Variants in C1orf21 observed in about 807,000 individuals in gnomAD.
The protein encoded by C1orf21 is uncharacterized protein C1orf21.
A neutral mutation model predicts 18.7 loss-of-function variants in C1orf21; 3 were observed. The ratio of observed to expected loss-of-function variants is 0.16; its 90% CI spans 0.07 to 0.42. The LOEUF (loss-of-function observed/expected upper bound fraction) is 0.42, where lower values mean the gene tolerates loss of function less well. Ranked by LOEUF, C1orf21 falls within the 10% of genes least tolerant of loss-of-function variation. C1orf21 has a pLI of 0.99. For synonymous variants in C1orf21, 41 were observed against 46.4 expected (o/e 0.88, Z 0.47); for missense variants, 104 against 143.6 (o/e 0.72, Z 1.41).
chr1:184,551,247 T>C (rs887677012), intron 3 of C1orf21, among the ~76,000 whole-genome samples: 4 of 152,168 alleles, frequency 2.6e-5, no homozygotes, highest in African/African-American at 4.8e-5. Flanking sequence ...TTTTAAATCA[T>C]GTTTTTAAAA....
At chr1:184,540,636 G>A (rs1310856382) in intron 3 of C1orf21, among the ~76,000 whole-genome samples, 1 of 152,084 alleles carries the variant, frequency 6.6e-6, no homozygotes, top group Non-Finnish European at 1.5e-5. Flanking sequence ...TCGCCATGTT[G>A]GTCAGGCTGG....
At chr1:184,428,389 G>A (rs1349976982) in intron 1 of C1orf21, among the ~76,000 whole-genome samples, 1 of 152,186 alleles carries the variant, frequency 6.6e-6, no homozygotes, top group African/African-American at 2.4e-5. Flanking sequence ...AGGAGGCAGG[G>A]AGGGACCAGA....
At chr1:184,553,855 G>T (rs1658844285) in intron 3 of C1orf21, among the ~76,000 whole-genome samples, 1 of 152,140 alleles carries the variant, frequency 6.6e-6, no homozygotes, top group African/African-American at 2.4e-5. Context: ...CAAGGTCATT[G>T]TTGTTATTTG....
intron 1 of C1orf21, among the ~76,000 whole-genome samples, chr1:184,400,401 T>A (rs1656131549): frequency 6.6e-6 from 1 of 152,114 alleles, no homozygotes; most frequent in African/African-American, 2.4e-5. Flanking sequence ...TATGTGTGTG[T>A]GTTTGTATGT....
At chr1:184,534,502 C>G (rs1658517501) in intron 3 of C1orf21, among the ~76,000 whole-genome samples, 1 of 152,160 alleles carries the variant, frequency 6.6e-6, no homozygotes, top group African/African-American at 2.4e-5. Context: ...TCTATCTCAG[C>G]ATAATAGATT....
chr1:184,487,322 C>CTGGTTA (rs1254530448), intron 2 of C1orf21, among the ~76,000 whole-genome samples: 3 of 152,202 alleles, frequency 2.0e-5, no homozygotes, highest in African/African-American at 4.8e-5. Context: ...GCACTTGGAA[C>CTGGTTA]TTTACATGTG....
chr1:184,444,396 T>C (rs1471573849), intron 1 of C1orf21, among the ~76,000 whole-genome samples: 1 of 152,176 alleles, frequency 6.6e-6, no homozygotes, highest in African/African-American at 2.4e-5. Context: ...TGAATACGTC[T>C]CATGAGGTCT....
chr1:184,481,802 A>G (rs1356464663), intron 2 of C1orf21, among the ~76,000 whole-genome samples: 1 of 152,204 alleles, frequency 6.6e-6, no homozygotes, highest in African/African-American at 2.4e-5. Flanking sequence ...TTCACCAATC[A>G]AGGGAGATAC....
chr1:184,416,131 AC>A (rs1656447550), intron 1 of C1orf21, among the ~76,000 whole-genome samples: 1 of 152,212 alleles, frequency 6.6e-6, no homozygotes, highest in Admixed American at 6.5e-5. Flanking sequence ...CTAGATGGTC[AC>A]CCCTGGCAAA....
chr1:184,537,381 A>G (rs1306520970), intron 3 of C1orf21, among the ~76,000 whole-genome samples: 1 of 152,156 alleles, frequency 6.6e-6, no homozygotes, highest in Non-Finnish European at 1.5e-5. Context: ...AAGTGGAATC[A>G]TATAATGTTT....
intron 2 of C1orf21, among the ~76,000 whole-genome samples, chr1:184,478,165 G>T (rs578221703): frequency 6.6e-6 from 1 of 152,146 alleles, no homozygotes; most frequent in Non-Finnish European, 1.5e-5. Context: ...GAGAACTGTA[G>T]GACTAAAAAC....
intron 2 of C1orf21, among the ~76,000 whole-genome samples, chr1:184,495,435 G>T (rs145202124): frequency 6.6e-6 from 1 of 152,270 alleles, no homozygotes; most frequent in East Asian, 1.9e-4. Context: ...ATGAAGCATA[G>T]ATCTCTGTGG....
At chr1:184,505,384 A>G (rs962262501) in intron 2 of C1orf21, among the ~76,000 whole-genome samples, 1 of 147,210 alleles carries the variant, frequency 6.8e-6, no homozygotes, top group Non-Finnish European at 1.5e-5. Flanking sequence ...ATTCACCTAT[A>G]TATATTTATA....
At chr1:184,446,648 C>T (rs545801528) in intron 1 of C1orf21, among the ~76,000 whole-genome samples, 74 of 151,418 alleles carry the variant, frequency 4.9e-4, no homozygotes, top group Middle Eastern at 6.8e-3. Context: ...ACCTATAGAT[C>T]AGAAGAGACT....
At chr1:184,540,686 CT>C (rs1658634365) in intron 3 of C1orf21, among the ~76,000 whole-genome samples, 1 of 152,208 alleles carries the variant, frequency 6.6e-6, no homozygotes, top group South Asian at 2.1e-4. Flanking sequence ...CCACCTTGGT[CT>C]CCCAAAGTGC....
chr1:184,561,686 C>G (rs189956505), intron 3 of C1orf21, among the ~76,000 whole-genome samples: 1 of 152,058 alleles, frequency 6.6e-6, no homozygotes, highest in African/African-American at 2.4e-5. Flanking sequence ...GTGTGATCTT[C>G]GGCTCACTGC....
chr1:184,522,367 C>T (rs563242260), intron 3 of C1orf21, among the ~76,000 whole-genome samples: 1 of 152,118 alleles, frequency 6.6e-6, no homozygotes, highest in African/African-American at 2.4e-5. Context: ...CAATGACACC[C>T]CAGTAGCAAT....
In C1orf21 at chr1:184,418,961, T is replaced by C. The variant is rs77571129; in HGVS notation, c.-125+31593T>C. Among the ~76,000 whole-genome samples, 94 of 152,346 alleles carry C rather than the reference T, an allele frequency of 6.2e-4. 1 individual carries two copies. In the East Asian group the frequency reaches 0.018, roughly 29 times the overall value. On this transcript the variant is annotated intron_variant, in intron 1 of 5. Transcript: ENST00000235307. ...GTACAGCTTCTTTTTTGTGTGTGTA[T>C]ATGTGTCTGTGTGTTCTTGGGCCAT...
At chr1:184,400,511 T>C (rs904817669) in intron 1 of C1orf21, among the ~76,000 whole-genome samples, 4 of 152,200 alleles carry the variant, frequency 2.6e-5, no homozygotes, top group African/African-American at 9.6e-5. Flanking sequence ...TTCTGCACCT[T>C]GCATTTTGTA....
Sources: allele counts gnomAD v4.1 joint callset (sites outside exome capture counted in the v4.1 genomes callset), GRCh38; gene constraint gnomAD v4.1.1; transcripts MANE v1.5; gene names NCBI Gene and HGNC (gene_info 2026-07-23, HGNC 2026-07-21).